FGD5: variants seen among roughly 807,000 people sequenced by gnomAD.
FGD5 encodes the protein FYVE, RhoGEF and PH domain-containing protein 5.
FGD5 carries 28 observed loss-of-function variants against 133.4 expected under a neutral mutation model. The ratio of observed to expected loss-of-function variants is 0.21; its 90% confidence interval spans 0.16 to 0.29. The LOEUF (loss-of-function observed/expected upper bound fraction) is 0.29. Ranked by LOEUF, FGD5 falls within the 10% of genes least tolerant of loss-of-function variation. The probability of loss-of-function intolerance (pLI) is 1.00; values close to 1 mark genes in which losing one functional copy is unlikely to be tolerated. For synonymous variants in FGD5, 810 were observed against 776.5 expected (o/e 1.04, Z -0.72); for missense variants, 1,858 against 1,895.2 (o/e 0.98, Z 0.36).
intron 18 of FGD5, among the ~76,000 whole-genome samples, chr3:14,930,202 T>C (rs537315888): frequency 2.0e-5 from 3 of 152,372 alleles, no homozygotes; most frequent in East Asian, 1.9e-4. Flanking sequence ...TTCATTCATA[T>C]ATTTACCAAT....
chr3:14,833,353 C>T (rs570501479), intron 1 of FGD5, among the ~76,000 whole-genome samples: 1 of 152,284 alleles, frequency 6.6e-6, no homozygotes, highest in East Asian at 1.9e-4. Flanking sequence ...AGGCATAACC[C>T]AAGAACTTGA....
intron 1 of FGD5, among the ~76,000 whole-genome samples, chr3:14,849,864 C>T (rs2037124676): frequency 1.3e-5 from 2 of 152,064 alleles, no homozygotes; most frequent in South Asian, 4.2e-4. Flanking sequence ...AAAAAAAATG[C>T]TGGCTTCTGT....
chr3:14,880,898 C>T (rs1366867265), intron 4 of FGD5, 126 bp downstream of exon 4: 5 of 1,215,154 alleles, frequency 4.1e-6, no homozygotes, highest in Non-Finnish European at 5.9e-6. Flanking sequence ...CAGGCAGGCA[C>T]TCACCGACGC....
chr3:14,853,672 G>GTTTTTT (rs2037213722), intron 1 of FGD5, among the ~76,000 whole-genome samples: 2 of 67,276 alleles, frequency 3.0e-5, no homozygotes, highest in Non-Finnish European at 5.2e-5. Flanking sequence ...TTTTTTACGA[G>GTTTTTT]TTATTAGGCC....
chr3:14,897,703 T>A (rs981657072), intron 5 of FGD5, 34 bp downstream of exon 5: 1 of 1,564,540 alleles, frequency 6.4e-7, no homozygotes, highest in African/African-American at 1.4e-5. Context: ...GTTCCACTTT[T>A]GTTGCACTGG....
chr3:14,883,388 G>A (rs141481391), intron 4 of FGD5, among the ~76,000 whole-genome samples: 68 of 152,092 alleles, frequency 4.5e-4, no homozygotes, highest in African/African-American at 1.6e-3. Context: ...CCTCACCTGC[G>A]CATCTGTCAA....
At chr3:14,887,989 G>A (rs1013336486) in intron 4 of FGD5, among the ~76,000 whole-genome samples, 2 of 143,262 alleles carry the variant, frequency 1.4e-5, no homozygotes, top group South Asian at 4.6e-4. Context: ...AACATAGTGA[G>A]ACCCCATCAC....
intron 18 of FGD5, chr3:14,931,601 A>C (rs1284775982): frequency 1.3e-5 from 2 of 152,314 alleles, no homozygotes; most frequent in South Asian, 4.1e-4. Context: ...TTGTTTATGA[A>C]CATGTATGTT....
intron 1 of FGD5, among the ~76,000 whole-genome samples, chr3:14,832,063 A>G (rs1364764936): frequency 6.6e-6 from 1 of 152,138 alleles, no homozygotes; most frequent in Non-Finnish European, 1.5e-5. Flanking sequence ...AATGAGCTCA[A>G]GTCTACCTCC....
intron 1 of FGD5, among the ~76,000 whole-genome samples, chr3:14,848,185 T>C (rs796909030): frequency 2.6e-5 from 4 of 152,230 alleles, no homozygotes; most frequent in African/African-American, 9.6e-5. Flanking sequence ...CTGAGGGCGG[T>C]GCCTCTCTTC....
At chr3:14,858,397 A>G (rs867875327) in intron 1 of FGD5, among the ~76,000 whole-genome samples, 119 of 95,910 alleles carry the variant, frequency 1.2e-3, no homozygotes, top group Middle Eastern at 0.011. Flanking sequence ...ATGGATGGAT[A>G]GATAGATGAA....
chr3:14,867,877 A>G (rs2037527900), intron 2 of FGD5, among the ~76,000 whole-genome samples: 1 of 152,118 alleles, frequency 6.6e-6, no homozygotes, highest in Admixed American at 6.5e-5. Flanking sequence ...AGACCAGGGA[A>G]GGTGTGATTG....
intron 11 of FGD5, among the ~76,000 whole-genome samples, chr3:14,915,038 C>CG (rs2038524863): frequency 6.6e-6 from 1 of 152,256 alleles, no homozygotes; most frequent in Non-Finnish European, 1.5e-5. Flanking sequence ...CACATGCATT[C>CG]CATCATGGGT....
chr3:14,821,480 G>C lies in FGD5; in HGVS notation c.2409G>C (p.Leu803=). The part of the protein sequence containing the change: ...RPARAGAFTK[L]FEDQSRALST... ...CCAGGGCTGGCGCGTTCACGAAGCT[G>C]TTTGAAGATCAGAGCAGAGCCCTGT... The change falls in exon 1 of 20, where the codon CTG becomes CTC. Residue 803 remains leucine, a synonymous_variant. Transcript: ENST00000285046. The C allele has an allele frequency of 6.2e-7, 1 of 1,614,036 alleles. No individual in the cohort carries two copies. Among genetic ancestry groups the C allele is most frequent in the Non-Finnish European group, 8.5e-7 (1 of 1,179,906 alleles).
intron 4 of FGD5, among the ~76,000 whole-genome samples, chr3:14,885,876 A>G (rs2037916873): frequency 6.6e-6 from 1 of 152,214 alleles, no homozygotes; most frequent in South Asian, 2.1e-4. Flanking sequence ...ACATTGTATA[A>G]AGACCATTGA....
intron 1 of FGD5, among the ~76,000 whole-genome samples, chr3:14,852,607 AAAG>A (rs1265828294): frequency 1.3e-5 from 2 of 152,236 alleles, no homozygotes; most frequent in Admixed American, 1.3e-4. Context: ...GCTATTATAA[AAAG>A]AAAGCAAACC....
intron 11 of FGD5, 34 bp downstream of exon 11, chr3:14,910,963 C>A: frequency 6.3e-7 from 1 of 1,592,980 alleles, no homozygotes; most frequent in Non-Finnish European, 8.6e-7. Flanking sequence ...AGCTCAGGAA[C>A]TGCCAAGTTC....
Position 14,922,587 on chromosome 3 carries a change from T to TGG in FGD5, c.3807+42_3807+43dup. The TGG allele has an allele frequency of 7.4e-7, 1 of 1,349,678 alleles. No homozygotes were observed. The highest frequency in any genetic ancestry group is 1.0e-6 in the Non-Finnish European group (1 of 979,352). 83.6% of individuals were successfully genotyped at this position (1,349,678 alleles called of 1,614,324 possible). A position where few individuals can be genotyped will look rare whatever the true frequency, so the allele number is the denominator to read the frequency against. ...TCTGGGGTGAGTGTGTGCATGGGGG[T>TGG]GGGGTGGGGGAAGGGCATGTCCCTG... On this transcript the variant is annotated intron_variant, in intron 15 of 19. Coordinates refer to ENST00000285046, the MANE Select transcript of FGD5 (RefSeq NM_152536.4). This position sits in a 1 kb window ranked among gnomAD's most constrained non-coding sequence, Gnocchi z 4.1.
At chr3:14,918,285 G>C (rs1014173468) in intron 12 of FGD5, among the ~76,000 whole-genome samples, 1 of 152,236 alleles carries the variant, frequency 6.6e-6, no homozygotes, top group African/African-American at 2.4e-5. Flanking sequence ...TCATTGTCAA[G>C]GGCAGAGGCA....
Sources: gnomAD v4.1 joint callset for allele counts (sites outside exome capture counted in the v4.1 genomes callset) on GRCh38, gnomAD v4.1.1 for gene constraint, Gnocchi (gnomAD v3.1) non-coding constraint, MANE v1.5 for transcripts, NCBI Gene and HGNC (gene_info 2026-07-23, HGNC 2026-07-21) for gene names.